Variants in STK32A observed in about 807,000 individuals in gnomAD.
STK32A encodes the protein serine/threonine kinase 32A.
Under a neutral mutation model 53.2 loss-of-function variants are expected in STK32A, and 41 were observed. The observed-to-expected ratio is 0.77, with a 90% CI of 0.60 to 1.00. The LOEUF (loss-of-function observed/expected upper bound fraction) is 1.00, where lower values mean the gene tolerates loss of function less well. STK32A is among the 50% of genes least tolerant of loss of function. The pLI is 0.00. For missense variants in STK32A, 458 were observed against 485.8 expected, an observed-to-expected ratio of 0.94 and a Z score of 0.54; for synonymous variants, 166 against 162.8, an observed-to-expected ratio of 1.02 and a Z score of -0.15.
At chr5:147,310,010 C>A (rs1444071076) in intron 4 of STK32A, among the ~76,000 whole-genome samples, 1 of 152,072 alleles carries the variant, frequency 6.6e-6, no homozygotes, top group Non-Finnish European at 1.5e-5. Context: ...TTTCAAAGAG[C>A]CATTTAACAT....
chr5:147,272,527 A>T lies in STK32A; in HGVS notation c.53-5597A>T, dbSNP rs991050902. On this transcript the variant is annotated intron_variant, in intron 2 of 12. Coordinates refer to ENST00000397936, the MANE Select transcript of STK32A (RefSeq NM_001112724.2). ...GACAGAGGCAATGTGTTATACAGAAAGGGTTTAACAATGTATGCTCCTATT... is the reference window on the plus strand; with the variant it reads ...GACAGAGGCAATGTGTTATACAGAATGGGTTTAACAATGTATGCTCCTATT... Among the ~76,000 whole-genome samples the T allele has an allele frequency of 2.0e-5, 3 of 152,244 alleles. No individual in the cohort carries two copies. In the South Asian group the frequency reaches 6.2e-4, roughly 31 times the overall value.
rs1285182759 is a variant in STK32A at position 147,361,518 on chromosome 5, A to G, written c.564A>G (p.Ala188=). The change falls in exon 8 of 13, where the codon GCA becomes GCG. Residue 188 remains alanine, a splice_region_variant and synonymous_variant. Transcript: ENST00000397936. ...GGTTTAATTTTTCGTGTTTTTCAGC[A>G]CCTGAGATGTTCAGCTCCAGAAAAG... The part of the protein sequence containing the change: ...TTMAGTKPYM[A]PEMFSSRKGA... 2 of 1,610,790 alleles carry G rather than the reference A, an allele frequency of 1.2e-6. No homozygotes were observed. The highest frequency in any genetic ancestry group is 1.3e-5 in the African/African-American group (1 of 74,992).
intron 5 of STK32A, among the ~76,000 whole-genome samples, chr5:147,334,381 C>G (rs1356829086): frequency 1.3e-5 from 2 of 152,336 alleles, no homozygotes; most frequent in South Asian, 2.1e-4. Context: ...CCCATTAGTA[C>G]TGTTGTACTA....
chr5:147,382,323 T>C (rs1464308409), intron 11 of STK32A, among the ~76,000 whole-genome samples: 1 of 152,186 alleles, frequency 6.6e-6, no homozygotes, highest in African/African-American at 2.4e-5. Flanking sequence ...TTTAGTTTTG[T>C]TTGCACATCA....
At position 147,247,580 on chromosome 5, in the gene STK32A, A is replaced by G. The variant is rs191192153; in HGVS notation, c.52+7894A>G. Among the ~76,000 whole-genome samples, 8 of 152,310 alleles carry G rather than the reference A, an allele frequency of 5.3e-5. No individual in the cohort carries two copies. In the East Asian group the frequency reaches 1.5e-3, roughly 29 times the overall value. On this transcript the variant is annotated intron_variant, in intron 2 of 12. Coordinates refer to ENST00000397936, the MANE Select transcript of STK32A (RefSeq NM_001112724.2). ...GTTATTTACGAGAATTACTTAAAGC[A>G]GAGTTGGCAACTTTTTCTGTGATGG...
the STK32A span, chr5:147,399,274 T>C: frequency 2.7e-5 from 44 of 1,609,864 alleles, 1 homozygote; most frequent in Admixed American, 6.9e-4. Context: ...TAAGAAATTA[T>C]ATCTATATCT....
intron 5 of STK32A, chr5:147,342,640 T>C (rs1755485233): frequency 4.8e-6 from 1 of 207,054 alleles, no homozygotes; most frequent in East Asian, 1.1e-4. Flanking sequence ...TGCTTAATAC[T>C]ACTAACATTA....
chr5:147,341,811 A>G (rs1362558891), intron 5 of STK32A, among the ~76,000 whole-genome samples: 1 of 152,214 alleles, frequency 6.6e-6, no homozygotes, highest in African/African-American at 2.4e-5. Context: ...ATATCAAAGT[A>G]TCATGTTGGC....
intron 5 of STK32A, among the ~76,000 whole-genome samples, chr5:147,331,187 T>G (rs1754853875): frequency 6.6e-6 from 1 of 152,166 alleles, no homozygotes; most frequent in South Asian, 2.1e-4. Context: ...TTCCTGGAAG[T>G]ATTTCAGAGA....
At chr5:147,329,158 G>A (rs1034233599) in intron 5 of STK32A, among the ~76,000 whole-genome samples, 3 of 152,180 alleles carry the variant, frequency 2.0e-5, no homozygotes, top group East Asian at 1.9e-4. Context: ...TTATGGCTGT[G>A]TAGAAAAACA....
intron 4 of STK32A, among the ~76,000 whole-genome samples, chr5:147,286,462 C>G (rs1752343987): frequency 6.6e-6 from 1 of 152,098 alleles, no homozygotes; most frequent in Non-Finnish European, 1.5e-5. Flanking sequence ...CGGACTTAGC[C>G]AGCTTGGCTT....
At chr5:147,393,950 G>C in the STK32A span, 12 of 1,375,348 alleles carry the variant, frequency 8.7e-6, no homozygotes, top group South Asian at 1.2e-4. Flanking sequence ...GTTTGGATTC[G>C]CTTTCCTTCT....
intron 2 of STK32A, among the ~76,000 whole-genome samples, chr5:147,258,394 T>G (rs1312520301): frequency 6.6e-6 from 1 of 152,188 alleles, no homozygotes; most frequent in Non-Finnish European, 1.5e-5. Flanking sequence ...TTATGGCTCC[T>G]TATAATCCTT....
At chr5:147,376,841 T>C (rs1317334007) in intron 11 of STK32A, among the ~76,000 whole-genome samples, 3 of 152,170 alleles carry the variant, frequency 2.0e-5, no homozygotes, top group Non-Finnish European at 4.4e-5. Context: ...GTTTTTTACA[T>C]ATTCTGGATA....
intron 5 of STK32A, among the ~76,000 whole-genome samples, chr5:147,332,404 T>A (rs1222217678): frequency 1.3e-5 from 2 of 152,082 alleles, no homozygotes; most frequent in Non-Finnish European, 2.9e-5. Context: ...TGCTTTTATA[T>A]ATCTATTAGG....
At chr5:147,334,422 G>A (rs1297427427) in intron 5 of STK32A, among the ~76,000 whole-genome samples, 1 of 152,140 alleles carries the variant, frequency 6.6e-6, no homozygotes, top group Admixed American at 6.5e-5. Context: ...ATTCTTACTG[G>A]TCCATGTCCC....
chr5:147,397,547 T>G, the STK32A span: 2 of 1,096,044 alleles, frequency 1.8e-6, no homozygotes, highest in Non-Finnish European at 1.3e-6. Flanking sequence ...GACAAGACTG[T>G]CACTGAATTT....
intron 4 of STK32A, among the ~76,000 whole-genome samples, chr5:147,294,802 G>A (rs1233572129): frequency 6.6e-6 from 1 of 151,870 alleles, no homozygotes; most frequent in Admixed American, 6.6e-5. Context: ...TCTTGCTTCA[G>A]CCTCCCAAGT....
chr5:147,258,246 A>G (rs12659628), intron 2 of STK32A, among the ~76,000 whole-genome samples: 39,234 of 141,328 alleles, frequency 0.28, 5,857 homozygotes, highest in African/African-American at 0.34. Flanking sequence ...GAAAAACTGT[A>G]TGATACCCCT....
Sources: allele counts gnomAD v4.1 joint callset (sites outside exome capture counted in the v4.1 genomes callset), GRCh38; gene constraint gnomAD v4.1.1; transcripts MANE v1.5; gene names NCBI Gene and HGNC (gene_info 2026-07-23, HGNC 2026-07-21).